Variants in SIPA1L3 observed in about 807,000 individuals in gnomAD.
SIPA1L3 encodes signal induced proliferation associated 1 like 3, also known as signal-induced proliferation-associated 1-like protein 3.
In SIPA1L3, 59 loss-of-function variants were observed where a neutral mutation model predicts 150.1. The ratio of observed to expected loss-of-function variants is 0.39; its 90% CI spans 0.32 to 0.49. The LOEUF (loss-of-function observed/expected upper bound fraction) is 0.49, where lower values mean the gene tolerates loss of function less well. Ranked by LOEUF, SIPA1L3 falls within the 20% of genes least tolerant of loss-of-function variation. SIPA1L3 has a pLI of 0.86. For synonymous variants in SIPA1L3, 1,070 were observed against 1,077.6 expected, an observed-to-expected ratio of 0.99 and a Z score of 0.14; for missense variants, 2,211 against 2,489.5, an observed-to-expected ratio of 0.89 and a Z score of 2.38.
chr19:38,138,062 C>T (rs767673583), intron 10 of SIPA1L3, among the ~76,000 whole-genome samples: 4 of 151,864 alleles, frequency 2.6e-5, no homozygotes, highest in Non-Finnish European at 5.9e-5. Context: ...ACCCAATAGG[C>T]GAAGGTTGCA....
chr19:38,104,686 C>T (rs1340144901), intron 6 of SIPA1L3, among the ~76,000 whole-genome samples: 1 of 152,130 alleles, frequency 6.6e-6, no homozygotes. Context: ...ACTCTCCCAC[C>T]TCAGCCTCCT....
chr19:38,154,531 T>A (rs925197068), intron 13 of SIPA1L3, among the ~76,000 whole-genome samples: 1 of 152,134 alleles, frequency 6.6e-6, no homozygotes, highest in African/African-American at 2.4e-5. Context: ...CACCGCAACC[T>A]CCAACTCCTG....
intron 16 of SIPA1L3, chr19:38,185,783 G>A (rs779135636): frequency 7.2e-5 from 11 of 152,048 alleles, no homozygotes; most frequent in Non-Finnish European, 1.3e-4. Flanking sequence ...CGGGATTAGG[G>A]GTCTACCCTA....
In SIPA1L3 at chr19:37,987,775, A is replaced by G. The variant is rs532730456; in HGVS notation, c.-378-41314A>G. On this transcript the variant is annotated intron_variant, in intron 1 of 21. Transcript: ENST00000222345. ...CAGTGGGGATACAAGCTCTTGGTGC[A>G]TCTCCCGTCTGCTGCACTTTGACAG... Among the ~76,000 whole-genome samples, 216 of 152,294 alleles carry G rather than the reference A, an allele frequency of 1.4e-3. 1 individual carries two copies. The highest frequency in any genetic ancestry group is 2.3e-3 in the Non-Finnish European group (158 of 68,024).
intron 2 of SIPA1L3, among the ~76,000 whole-genome samples, chr19:38,072,712 T>C (rs1969750573): frequency 2.0e-5 from 3 of 152,244 alleles, no homozygotes; most frequent in South Asian, 2.1e-4. Context: ...TGGGTGGCCA[T>C]TGGAGAGGGG....
rs563489214 is a variant in SIPA1L3 at position 37,984,806 on chromosome 19, C to A, written c.-378-44283C>A. On this transcript the variant is annotated intron_variant, in intron 1 of 21. Transcript: ENST00000222345. Reference sequence around the variant, plus strand: ...TGGCTGGTACTCCACAGATGCCTCTCATGCAGGCAACTCTGTAGCAAACTA... The same window carrying A: ...TGGCTGGTACTCCACAGATGCCTCTAATGCAGGCAACTCTGTAGCAAACTA... 1.2e-4 allele frequency among the ~76,000 whole-genome samples: 19 copies of A among 152,366 alleles called. No individual in the cohort carries two copies. In the East Asian group the frequency reaches 3.5e-3, roughly 28 times the overall value.
At chr19:38,120,494 G>C (rs1970991537) in intron 9 of SIPA1L3, among the ~76,000 whole-genome samples, 1 of 151,952 alleles carries the variant, frequency 6.6e-6, no homozygotes, top group Non-Finnish European at 1.5e-5. Flanking sequence ...AAAAAAAGAA[G>C]TGTAAGAGTA....
chr19:37,984,609 A>G (rs908117521), intron 1 of SIPA1L3, among the ~76,000 whole-genome samples: 17 of 152,360 alleles, frequency 1.1e-4, no homozygotes, highest in Admixed American at 9.8e-4. Flanking sequence ...AAAGTGAGGA[A>G]AAGAACTAGT....
intron 3 of SIPA1L3, 134 bp from the exon 4 acceptor site, chr19:38,088,587 A>G: frequency 5.5e-6 from 6 of 1,099,026 alleles, no homozygotes; most frequent in Non-Finnish European, 7.7e-6. Flanking sequence ...GTGACCAGGC[A>G]TGAGGTTTGC....
At position 38,162,352 on chromosome 19, in the gene SIPA1L3, C is replaced by G; in HGVS notation, c.3761C>G (p.Ser1254Cys). 6.2e-7 allele frequency: 1 copy of G among 1,614,002 alleles called. No individual in the cohort carries two copies. The highest frequency in any genetic ancestry group is 8.5e-7 in the Non-Finnish European group (1 of 1,179,838). ...PSRQDAAGKD[S>C]PNRHSKGEPQ... ...AGGCAGGATGCAGCAGGCAAAGATTCCCCCAACAGGCATTCCAAAGTGAGT... is the reference window on the plus strand; with the variant it reads ...AGGCAGGATGCAGCAGGCAAAGATTGCCCCAACAGGCATTCCAAAGTGAGT... Residue 1254 changes from serine to cysteine, a missense_variant, in exon 14 of 22, where the codon TCC (serine) becomes TGC (cysteine). Ser to Cys is a moderately radical substitution (Grantham distance 112). Around this residue, in one of 5 missense-constraint regions of SIPA1L3, gnomAD observed 806 missense variants for 870.1 expected, o/e 0.93. Transcript: ENST00000222345.
intron 18 of SIPA1L3, among the ~76,000 whole-genome samples, chr19:38,196,381 A>C (rs112654624): frequency 6.7e-6 from 1 of 148,580 alleles, no homozygotes; most frequent in African/African-American, 2.5e-5. Flanking sequence ...AGGGCGGAGC[A>C]TGGAGGTCAA....
In SIPA1L3 at chr19:38,142,700, T is replaced by C; in HGVS notation, c.3523T>C (p.Ser1175Pro). 6.2e-7 allele frequency: 1 copy of C among 1,613,196 alleles called. No individual in the cohort carries two copies. Among genetic ancestry groups the C allele is most frequent in the African/African-American group, 1.3e-5 (1 of 75,004 alleles). Residue 1175 changes from serine (S) to proline (P), a missense_variant, in exon 12 of 22, where the codon TCC becomes CCC. By Grantham distance (74) the Ser-to-Pro change is moderately conservative (BLOSUM62 -1). Transcript: ENST00000222345. ...GSATYVRYKP[S>P]PERYTAAPHP... ...GGCCACCTACGTGAGATACAAGCCA[T>C]CCCCAGAAAGGTCAGCCTCCCTCAA...
At chr19:37,987,317 T>G (rs1001837718) in intron 1 of SIPA1L3, among the ~76,000 whole-genome samples, 6 of 152,196 alleles carry the variant, frequency 3.9e-5, no homozygotes, top group African/African-American at 1.4e-4. Flanking sequence ...AGAAGTCTGC[T>G]TTTCAGATGT....
chr19:37,938,225 C>A (rs1325521790), intron 1 of SIPA1L3, among the ~76,000 whole-genome samples: 1 of 152,106 alleles, frequency 6.6e-6, no homozygotes, highest in Non-Finnish European at 1.5e-5. Flanking sequence ...TAGGCATTTC[C>A]ATGCCAATGG....
intron 3 of SIPA1L3, among the ~76,000 whole-genome samples, chr19:38,085,706 C>T (rs1052013896): frequency 2.0e-4 from 31 of 152,080 alleles, no homozygotes; most frequent in Non-Finnish European, 4.4e-4. Context: ...AAAAATGGAT[C>T]AGGCTGGCTG....
chr19:38,206,158 G>A lies in SIPA1L3; in HGVS notation c.5264G>A (p.Arg1755Gln), dbSNP rs778725369. 25 of 1,551,610 alleles carry A rather than the reference G, an allele frequency of 1.6e-5. No individual in the cohort carries two copies. The highest frequency in any genetic ancestry group is 4.9e-5 in the East Asian group (2 of 40,936). The change falls in exon 22 of 22, where the codon CGG (arginine) becomes CAG (glutamine). Residue 1755 changes from arginine (R) to glutamine (Q), a missense_variant. This residue lies in a region of SIPA1L3 where 63 missense variants were observed against 106.1 expected (regional missense o/e 0.59). Transcript: ENST00000222345. The stretch of plus-strand genomic sequence containing the variant: ...GCCAGCCTGCGGCAGAACAACCAGC[G>A]GCTGCAGGAGGAGTCGCAGGCCGCC... Reference protein sequence around the residue: ...EVASLRQNNQRLQEESQAASE... With the variant: ...EVASLRQNNQQLQEESQAASE...
chr19:38,202,636 C>A (rs745842360), intron 20 of SIPA1L3, among the ~76,000 whole-genome samples: 10 of 152,146 alleles, frequency 6.6e-5, no homozygotes, highest in African/African-American at 2.4e-4. Flanking sequence ...GTCTCCCAAT[C>A]CCCCAGCCCT....
intron 3 of SIPA1L3, among the ~76,000 whole-genome samples, chr19:38,085,524 G>C (rs1286499531): frequency 8.0e-5 from 12 of 150,934 alleles, no homozygotes; most frequent in Non-Finnish European, 1.8e-4. Context: ...TTGCTTACAA[G>C]GAAAAAGCCA....
chr19:38,081,295 G>A lies in SIPA1L3; in HGVS notation c.-271G>A, dbSNP rs948402385. On this transcript the variant is annotated 5_prime_UTR_variant, in exon 3 of 22. Transcript: ENST00000222345. Reference sequence around the variant, plus strand: ...CATCCTTGCTGCCTCCAGCTGGCGGGCGACCACAGCTACTGCCTGCTCTGC... The same window carrying A: ...CATCCTTGCTGCCTCCAGCTGGCGGACGACCACAGCTACTGCCTGCTCTGC... The A allele has an allele frequency of 1.9e-5, 8 of 423,118 alleles. 1 individual carries two copies. The highest frequency in any genetic ancestry group is 3.3e-5 in the Non-Finnish European group (8 of 239,524). 26.2% of individuals were successfully genotyped at this position (423,118 alleles called of 1,614,324 possible). A position where few individuals can be genotyped will look rare whatever the true frequency, so the allele number is the denominator to read the frequency against.
Sources: gnomAD v4.1 joint callset for allele counts (sites outside exome capture counted in the v4.1 genomes callset) on GRCh38, gnomAD v4.1.1 for gene constraint, gnomAD v4.1.1 regional missense constraint, MANE v1.5 for transcripts, NCBI Gene and HGNC (gene_info 2026-07-23, HGNC 2026-07-21) for gene names.